Variants in RIPK2 observed in about 807,000 individuals in gnomAD.
RIPK2 encodes the protein receptor interacting serine/threonine kinase 2.
In RIPK2, 38 loss-of-function variants were observed where a neutral mutation model predicts 60.9. The observed-to-expected ratio is 0.62, with a 90% CI of 0.48 to 0.82. The LOEUF (loss-of-function observed/expected upper bound fraction) is 0.82, where lower values mean the gene tolerates loss of function less well. RIPK2 is among the 40% of genes least tolerant of loss of function. RIPK2 has a pLI of 0.00. For missense variants in RIPK2, 518 were observed against 647.0 expected, an observed-to-expected ratio of 0.80 and a Z score of 2.16; for synonymous variants, 225 against 223.4, an observed-to-expected ratio of 1.01 and a Z score of -0.06.
chr8:89,762,061 G>A lies in RIPK2; in HGVS notation c.174-768G>A, dbSNP rs149525843. 8.9e-4 allele frequency among the ~76,000 whole-genome samples: 136 copies of A among 152,172 alleles called. 1 individual carries two copies. In the East Asian group the frequency reaches 0.021, roughly 24 times the overall value. ...AAAAAATAGGCACGGTTGCATGCCT[G>A]TGGAGCTAGCTGGCTGCTGGGGAGG... is the stretch of plus-strand genomic sequence containing the variant. On this transcript the variant is annotated intron_variant, in intron 1 of 10. Coordinates refer to ENST00000220751, the MANE Select transcript of RIPK2 (RefSeq NM_003821.6).
chr8:89,758,217 A>G lies in RIPK2; in HGVS notation c.157A>G (p.Thr53Ala). ...QVAVKHLHIH[T>A]PLLDSERKDV... is the part of the protein sequence containing the mutation. ...GGCCGTGAAGCACCTGCACATCCAC[A>G]CTCCGCTGCTCGACAGGTAGGCAGT... Residue 53 changes from threonine to alanine, a missense_variant, in exon 1 of 11, where the codon ACT becomes GCT. Coordinates refer to ENST00000220751, the MANE Select transcript of RIPK2 (RefSeq NM_003821.6). 1 of 1,606,958 alleles carries G rather than the reference A, an allele frequency of 6.2e-7. No homozygotes were observed. The highest frequency in any genetic ancestry group is 1.1e-5 in the South Asian group (1 of 90,134).
At position 89,780,094 on chromosome 8, in the gene RIPK2, AC is replaced by A; in HGVS notation, c.875del (p.Pro292GlnfsTer3). 6.4e-7 allele frequency: 1 copy of A among 1,556,594 alleles called. No homozygotes were observed. Among genetic ancestry groups the A allele is most frequent in the Non-Finnish European group, 8.8e-7 (1 of 1,139,028 alleles). Reference sequence around the variant, plus strand: ...ATGTAGAATGTTTAATAGAACTTGAACCAGTTTTGAGAACATTTGAAGAGAT... The same window carrying A: ...ATGTAGAATGTTTAATAGAACTTGAACAGTTTTGAGAACATTTGAAGAGAT... ...SFLKCLIELEPVLRTFEEITF... is the reference protein window; with the variant it reads ...SFLKCLIELEXVLRTFEEITF... On this transcript the variant is annotated frameshift_variant, in exon 7 of 11. Coordinates refer to ENST00000220751, the MANE Select transcript of RIPK2 (RefSeq NM_003821.6). LOFTEE classifies it high-confidence loss of function.
At chr8:89,789,124 A>T (rs1339764120) in intron 9 of RIPK2, among the ~76,000 whole-genome samples, 197 bp from the exon 10 acceptor site, 1 of 152,216 alleles carries the variant, frequency 6.6e-6, no homozygotes, top group African/African-American at 2.4e-5. Context: ...CAGAAATTGT[A>T]GTGAAAGCAT....
intron 8 of RIPK2, among the ~76,000 whole-genome samples, chr8:89,785,947 G>C (rs1175840613): frequency 2.0e-5 from 3 of 152,096 alleles, no homozygotes; most frequent in Non-Finnish European, 4.4e-5. Context: ...CTGAGAACAG[G>C]CATTTCTAAA....
At chr8:89,781,184 G>A (rs1809493113) in intron 7 of RIPK2, among the ~76,000 whole-genome samples, 1 of 151,904 alleles carries the variant, frequency 6.6e-6, no homozygotes, top group African/African-American at 2.4e-5. Context: ...CCCCTTGTGG[G>A]TTGCTGGATC....
intron 7 of RIPK2, 147 bp downstream of exon 7, chr8:89,780,307 T>C (rs1486279431): frequency 2.3e-6 from 1 of 434,224 alleles, no homozygotes; most frequent in Non-Finnish European, 4.1e-6. Context: ...TACCAGAGAC[T>C]ATGAATACTA....
intron 1 of RIPK2, 109 bp downstream of exon 1, chr8:89,758,342 C>T: frequency 1.7e-6 from 2 of 1,165,122 alleles, no homozygotes; most frequent in South Asian, 3.1e-5. Flanking sequence ...TTGGGGCCGG[C>T]CTCACCTCGT....
intron 6 of RIPK2, among the ~76,000 whole-genome samples, chr8:89,779,299 G>C (rs1809453428): frequency 8.6e-6 from 1 of 116,186 alleles, no homozygotes; most frequent in South Asian, 2.5e-4. Context: ...CAATTTTTAG[G>C]CGGTTTTTGG....
chr8:89,772,827 A>C lies in RIPK2; in HGVS notation c.852A>C (p.Leu284Phe). Residue 284 changes from leucine to phenylalanine, a missense_variant and splice_region_variant, in exon 6 of 11, where the codon TTA becomes TTC. Around this residue, in one of 3 missense-constraint regions of RIPK2, gnomAD observed 448 missense variants for 534.7 expected, o/e 0.84. Coordinates refer to ENST00000220751, the MANE Select transcript of RIPK2 (RefSeq NM_003821.6). ...ATCCAGATGAAAGACCATCTTTCTTAAGTGAGTATATAGTTTTAACCTAGA... is the reference window on the plus strand; with the variant it reads ...ATCCAGATGAAAGACCATCTTTCTTCAGTGAGTATATAGTTTTAACCTAGA... ...AQNPDERPSF[L>F]KCLIELEPVL... is the part of the protein sequence containing the mutation. The C allele has an allele frequency of 6.2e-7, 1 of 1,600,512 alleles. No individual in the cohort carries two copies. The highest frequency in any genetic ancestry group is 8.5e-7 in the Non-Finnish European group (1 of 1,172,030).
rs71268283 is a variant in RIPK2, at chr8:89,784,141, TA to T, written c.1029+25del. The T allele has an allele frequency of 0.071, 39,117 of 547,826 alleles. 433 individuals are homozygous for T. The highest frequency in any genetic ancestry group is 0.18 in the East Asian group (4,191 of 22,970). 33.9% of individuals were successfully genotyped at this position (547,826 alleles called of 1,614,324 possible). On this transcript the variant is annotated splice_donor_region_variant and intron_variant, in intron 8 of 10. Coordinates refer to ENST00000220751, the MANE Select transcript of RIPK2 (RefSeq NM_003821.6). ...CCTGTAAATCATGGTCCACAAGAGG[TA>T]AAAAAAAAAAAAAAAAAAAAAAGGT...
Position 89,758,157 on chromosome 8 carries a change from T to C in RIPK2, c.97T>C (p.Ser33Pro). The C allele has an allele frequency of 6.3e-7, 1 of 1,596,174 alleles. No homozygotes were observed. The highest frequency in any genetic ancestry group is 8.5e-7 in the Non-Finnish European group (1 of 1,173,170). Residue 33 changes from serine (S) to proline (P), a missense_variant, in exon 1 of 11, where the codon TCG becomes CCG. By Grantham distance (74) the Ser-to-Pro change is moderately conservative. This residue lies in a region of RIPK2 where 448 missense variants were observed against 534.7 expected (regional missense o/e 0.84). Transcript: ENST00000220751. ...YLSRGASGTV[S>P]SARHADWRVQ... ...GAGCCGCGGCGCCTCTGGCACTGTG[T>C]CGTCCGCCCGCCACGCAGACTGGCG...
intron 4 of RIPK2, among the ~76,000 whole-genome samples, 176 bp from the exon 5 acceptor site, chr8:89,771,565 G>T (rs1204501677): frequency 6.6e-6 from 1 of 151,860 alleles, no homozygotes; most frequent in Non-Finnish European, 1.5e-5. Flanking sequence ...ACTTAAAGTT[G>T]ATTTTGTTTC....
chr8:89,776,945 A>G (rs1042202470), intron 6 of RIPK2, among the ~76,000 whole-genome samples: 1 of 152,180 alleles, frequency 6.6e-6, no homozygotes, highest in East Asian at 1.9e-4. Context: ...TGGGAAACAA[A>G]TGAAGTGAGC....
intron 7 of RIPK2, 144 bp downstream of exon 7, chr8:89,780,304 G>C (rs542294817): frequency 4.5e-6 from 2 of 443,052 alleles, no homozygotes; most frequent in Non-Finnish European, 8.0e-6. Context: ...ATTTACCAGA[G>C]ACTATGAATA....
intron 6 of RIPK2, 72 bp from the exon 7 acceptor site, chr8:89,780,003 T>TTTA: frequency 1.3e-6 from 1 of 753,834 alleles, no homozygotes; most frequent in Non-Finnish European, 2.2e-6. Context: ...GCCTTGTACA[T>TTTA]TAAATGTTAG....
At chr8:89,783,876 A>G (rs1188431752) in intron 7 of RIPK2, among the ~76,000 whole-genome samples, 174 bp from the exon 8 acceptor site, 1 of 151,834 alleles carries the variant, frequency 6.6e-6, no homozygotes, top group Non-Finnish European at 1.5e-5. Flanking sequence ...TTCTAAAGTT[A>G]TTTCCCGTTC....
At chr8:89,775,723 G>C (rs1415405941) in intron 6 of RIPK2, among the ~76,000 whole-genome samples, 1 of 152,176 alleles carries the variant, frequency 6.6e-6, no homozygotes, top group African/African-American at 2.4e-5. Flanking sequence ...GAAGTTTGTA[G>C]ATCTGGTTAT....
intron 9 of RIPK2, among the ~76,000 whole-genome samples, chr8:89,787,081 G>A (rs538475378): frequency 7.2e-5 from 11 of 152,088 alleles, no homozygotes; most frequent in East Asian, 3.9e-4. Context: ...CGGAAAGATC[G>A]CTTGAACCTG....
In RIPK2 at chr8:89,762,873, C is replaced by A; in HGVS notation, c.218C>A (p.Ala73Asp). 6.6e-7 allele frequency: 1 copy of A among 1,517,034 alleles called. No homozygotes were observed. Among genetic ancestry groups the A allele is most frequent in the Admixed American group, 1.9e-5 (1 of 52,532 alleles). The allele number at this position is 1,517,034 out of a possible 1,614,324, so 94.0% of individuals were successfully genotyped here. Residue 73 changes from alanine (A) to aspartate (D), a missense_variant, in exon 2 of 11, where the codon GCT becomes GAT. This residue lies in a region of RIPK2 where 448 missense variants were observed against 534.7 expected (regional missense o/e 0.84). Transcript: ENST00000220751. ...AGAGAAGCTGAAATTTTACACAAAG[C>A]TAGATTTAGTTACATTCTTCCAATT... ...VLREAEILHK[A>D]RFSYILPILG...
Sources: allele counts gnomAD v4.1 joint callset (sites outside exome capture counted in the v4.1 genomes callset), GRCh38; gene constraint gnomAD v4.1.1; regional missense constraint gnomAD v4.1.1; transcripts MANE v1.5; gene names NCBI Gene and HGNC (gene_info 2026-07-23, HGNC 2026-07-21).